DNAH17: variants seen among roughly 807,000 people sequenced by gnomAD.
DNAH17 encodes axonemal beta dynein heavy chain 17.
A neutral mutation model predicts 485.6 loss-of-function variants in DNAH17; 376 were observed. The ratio of observed to expected loss-of-function variants is 0.77; its 90% CI spans 0.71 to 0.84. The LOEUF is 0.84. Among genes scored for constraint, DNAH17 ranks in the 40% least tolerant of loss-of-function variants. The pLI, the probability that DNAH17 is intolerant of heterozygous loss-of-function variation, is 0.00. For synonymous variants in DNAH17, 3,031 were observed against 2,405.9 expected (o/e 1.26, Z -7.60); for missense variants, 6,370 against 5,839.3 (o/e 1.09, Z -2.96).
At position 78,460,204 on chromosome 17, in the gene DNAH17, C is replaced by T. The variant is rs745572581; in HGVS notation, c.9393G>A (p.Pro3131=). 24 of 1,609,172 alleles carry T rather than the reference C, an allele frequency of 1.5e-5. No individual in the cohort carries two copies. The highest frequency in any genetic ancestry group is 3.3e-4 in the Middle Eastern group (2 of 6,072). The stretch of plus-strand genomic sequence containing the variant: ...GAGCCTCCTGGGCTGCCAGCAGGGC[C>T]GGTTCTGCTTTGGCCAGGTCTGTTT... ...ACETDLAKAE[P]ALLAAQEALD... is the part of the protein sequence containing the mutation. The change falls in exon 59 of 81, where the codon CCG becomes CCA. Residue 3131 remains proline, a synonymous_variant. Coordinates refer to ENST00000389840, the MANE Select transcript of DNAH17 (RefSeq NM_173628.4).
intron 72 of DNAH17, 84 bp downstream of exon 72, chr17:78,440,967 G>A: frequency 6.6e-7 from 1 of 1,503,906 alleles, no homozygotes; most frequent in East Asian, 2.5e-5. Flanking sequence ...GGTGTCTCAT[G>A]TGCTTTTGGT....
At position 78,475,243 on chromosome 17, in the gene DNAH17, C is replaced by T. The variant is rs568153176; in HGVS notation, c.8511+35G>A. Reference sequence around the variant, plus strand: ...GTTTTTCTTTACTCCCTGACCCTACCCTGAAAGGCAGCCTATTGAACAGTA... The same window carrying T: ...GTTTTTCTTTACTCCCTGACCCTACTCTGAAAGGCAGCCTATTGAACAGTA... On this transcript the variant is annotated intron_variant, in intron 54 of 80. Coordinates refer to ENST00000389840, the MANE Select transcript of DNAH17 (RefSeq NM_173628.4). 1.7e-5 allele frequency: 27 copies of T among 1,607,500 alleles called. No homozygotes were observed. In the South Asian group the frequency reaches 2.5e-4, roughly 15 times the overall value.
chr17:78,426,137 A>C (rs1360991863), intron 79 of DNAH17, among the ~76,000 whole-genome samples: 1 of 152,178 alleles, frequency 6.6e-6, no homozygotes, highest in Non-Finnish European at 1.5e-5. Context: ...TTTGTGGATA[A>C]TTTAGGAGCC....
chr17:78,559,319 G>C (rs1449699905), intron 13 of DNAH17, among the ~76,000 whole-genome samples: 3 of 152,150 alleles, frequency 2.0e-5, no homozygotes, highest in Non-Finnish European at 4.4e-5. Flanking sequence ...ACCCAACAAG[G>C]CTAAAGCACA....
At chr17:78,490,183 G>A (rs539889329) in intron 44 of DNAH17, 1 of 153,690 alleles carries the variant, frequency 6.5e-6, no homozygotes, top group African/African-American at 2.4e-5. Context: ...TCGTCACATT[G>A]GAAAGGGACA....
At chr17:78,462,156 AGC>A (rs905147747) in intron 57 of DNAH17, among the ~76,000 whole-genome samples, 1 of 151,730 alleles carries the variant, frequency 6.6e-6, no homozygotes, top group African/African-American at 2.4e-5. Context: ...TGGATGACAG[AGC>A]GAGACTCTGT....
chr17:78,456,369 C>T (rs186929913), intron 62 of DNAH17, among the ~76,000 whole-genome samples: 32 of 152,258 alleles, frequency 2.1e-4, no homozygotes, highest in African/African-American at 7.2e-4. Context: ...TGCTGTGTTT[C>T]CTCTTCCCAA....
rs778991788 is a variant in DNAH17, at chr17:78,510,378, G to GC, written c.4236+5dup. 2 of 1,611,784 alleles carry GC rather than the reference G, an allele frequency of 1.2e-6. No homozygotes were observed. Among genetic ancestry groups the GC allele is most frequent in the Non-Finnish European group, 1.7e-6 (2 of 1,179,340 alleles). On this transcript the variant is annotated splice_donor_region_variant and intron_variant, in intron 27 of 80. Transcript: ENST00000389840. ...TTGCACAGACAGCACCGCCAGCACG[G>GC]CCTACCTTTTCCATGCCCGACTCCT...
chr17:78,559,894 A>G (rs2092114763), intron 13 of DNAH17, among the ~76,000 whole-genome samples: 1 of 151,944 alleles, frequency 6.6e-6, no homozygotes, highest in South Asian at 2.1e-4. Flanking sequence ...CTTTACCCGC[A>G]TGCCGTGCTG....
intron 24 of DNAH17, among the ~76,000 whole-genome samples, chr17:78,526,441 G>A (rs1283903264): frequency 6.6e-6 from 1 of 152,096 alleles, no homozygotes; most frequent in Non-Finnish European, 1.5e-5. Context: ...CATGTGGTCT[G>A]GGGGGCTGCT....
intron 57 of DNAH17, among the ~76,000 whole-genome samples, 190 bp from the exon 58 acceptor site, chr17:78,461,898 C>T (rs1320293451): frequency 2.6e-5 from 4 of 152,072 alleles, no homozygotes; most frequent in African/African-American, 9.7e-5. Flanking sequence ...TGACTGCGTA[C>T]ACAGGGTCAC....
At chr17:78,452,298 A>T (rs985650550) in intron 65 of DNAH17, among the ~76,000 whole-genome samples, 5 of 152,154 alleles carry the variant, frequency 3.3e-5, no homozygotes, top group South Asian at 2.1e-4. Flanking sequence ...TTAATTTTTT[A>T]AAATTGTAAA....
chr17:78,520,704 A>C (rs959539242), intron 25 of DNAH17, among the ~76,000 whole-genome samples: 1 of 147,310 alleles, frequency 6.8e-6, no homozygotes, highest in African/African-American at 2.5e-5. Flanking sequence ...GCTATAACAA[A>C]ATGAAATCAC....
chr17:78,501,401 T>TA (rs2146717157), intron 34 of DNAH17, 57 bp from the exon 35 acceptor site: 1 of 1,534,568 alleles, frequency 6.5e-7, no homozygotes, highest in East Asian at 2.3e-5. Context: ...TAGGGCTGCC[T>TA]AAGGAAGGCC....
intron 24 of DNAH17, among the ~76,000 whole-genome samples, chr17:78,525,392 G>A (rs1387598696): frequency 1.3e-5 from 2 of 152,232 alleles, no homozygotes; most frequent in Non-Finnish European, 2.9e-5. Context: ...ACACCAGCGT[G>A]GGGACTGACT....
At chr17:78,555,511 C>T (rs975475263) in intron 14 of DNAH17, among the ~76,000 whole-genome samples, 16 of 122,568 alleles carry the variant, frequency 1.3e-4, no homozygotes, top group East Asian at 1.3e-3. Flanking sequence ...AGCCCTGCCA[C>T]GGCTGCCGGG....
chr17:78,476,598 T>G lies in DNAH17; in HGVS notation c.8128A>C (p.Met2710Leu), dbSNP rs200518254. 7.3e-5 allele frequency: 117 copies of G among 1,611,070 alleles called. No homozygotes were observed. Among genetic ancestry groups the G allele is most frequent in the Non-Finnish European group, 1.3e-5 (15 of 1,178,680 alleles). The change falls in exon 52 of 81, where the codon ATG (methionine) becomes CTG (leucine). Residue 2710 changes from methionine to leucine, a missense_variant. By Grantham distance (15) the Met-to-Leu change is conservative. Transcript: ENST00000389840. ...KDQETLHRVT[M>L]ASTKKFFDDL... ...TCAAAGAACTTCTTGGTGGAGGCCA[T>G]GGTGACTCTATGCAATGTTTCCTGG...
chr17:78,501,459 G>A, intron 34 of DNAH17, 115 bp from the exon 35 acceptor site: 4 of 1,314,520 alleles, frequency 3.0e-6, no homozygotes, highest in African/African-American at 1.5e-5. Flanking sequence ...ACCCTCCCTG[G>A]CCCTCTTTCC....
Position 78,486,527 on chromosome 17 carries a change from C to T in DNAH17, c.6819-21G>A, listed in dbSNP as rs747722517. Reference sequence around the variant, plus strand: ...CCACCCTGGGGGTGACAGGAGGCGCCGATGACACAGCCGCTGCTCTGGGTC... The same window carrying T: ...CCACCCTGGGGGTGACAGGAGGCGCTGATGACACAGCCGCTGCTCTGGGTC... On this transcript the variant is annotated intron_variant, in intron 44 of 80. Coordinates refer to ENST00000389840, the MANE Select transcript of DNAH17 (RefSeq NM_173628.4). 13 of 1,582,578 alleles carry T rather than the reference C, an allele frequency of 8.2e-6. No individual in the cohort carries two copies. The Admixed American group carries it at 8.7e-5, about 11-fold the overall frequency.
Sources: allele counts gnomAD v4.1 joint callset (sites outside exome capture counted in the v4.1 genomes callset), GRCh38; gene constraint gnomAD v4.1.1; transcripts MANE v1.5; gene names NCBI Gene and HGNC (gene_info 2026-07-23, HGNC 2026-07-21).